VEZT: variants seen among roughly 807,000 people sequenced by gnomAD.
VEZT encodes vezatin.
VEZT carries 39 observed loss-of-function variants against 79.9 expected under a neutral mutation model. The observed-to-expected ratio is 0.49, with a 90% CI of 0.38 to 0.64. VEZT has a LOEUF of 0.64. VEZT is among the 30% of genes least tolerant of loss of function. The pLI is 0.00. For synonymous variants in VEZT, 325 were observed against 327.6 expected, an observed-to-expected ratio of 0.99 and a Z score of 0.09; for missense variants, 837 against 893.1, an observed-to-expected ratio of 0.94 and a Z score of 0.80.
At chr12:95,281,821 G>A (rs1442451529) in intron 7 of VEZT, among the ~76,000 whole-genome samples, 2 of 151,998 alleles carry the variant, frequency 1.3e-5, no homozygotes, top group East Asian at 1.9e-4. Flanking sequence ...GAGCCACTGC[G>A]CCTAGCCCTG....
At chr12:95,241,386 A>G (rs985072361) in intron 1 of VEZT, among the ~76,000 whole-genome samples, 5 of 152,014 alleles carry the variant, frequency 3.3e-5, no homozygotes, top group Admixed American at 6.6e-5. Flanking sequence ...GGCTTACTGC[A>G]GCCTTGACTC....
chr12:95,218,573 C>A (rs1565942664), intron 1 of VEZT: 2 of 152,112 alleles, frequency 1.3e-5, no homozygotes, highest in Non-Finnish European at 1.5e-5. Context: ...GTTTTTGATG[C>A]CATTTTTTTC....
At chr12:95,258,266 G>C (rs781198589) in intron 3 of VEZT, 117 of 455,732 alleles carry the variant, frequency 2.6e-4, no homozygotes, top group Non-Finnish European at 4.7e-4. Context: ...TCATTCTTCA[G>C]TGATACTAGG....
intron 1 of VEZT, among the ~76,000 whole-genome samples, chr12:95,246,705 G>C (rs1184434034): frequency 6.6e-6 from 1 of 152,190 alleles, no homozygotes; most frequent in Non-Finnish European, 1.5e-5. Context: ...GAACCACAAA[G>C]ATTTCCTGAG....
intron 8 of VEZT, among the ~76,000 whole-genome samples, chr12:95,283,061 C>G (rs2069600934): frequency 6.6e-6 from 1 of 152,112 alleles, no homozygotes; most frequent in African/African-American, 2.4e-5. Context: ...GGAAGAGTAA[C>G]ATATTGCTAT....
intron 7 of VEZT, among the ~76,000 whole-genome samples, chr12:95,281,360 T>C (rs779151564): frequency 6.6e-6 from 1 of 152,142 alleles, no homozygotes; most frequent in Non-Finnish European, 1.5e-5. Context: ...TGCCTGTGTT[T>C]CCCGCTACTC....
At chr12:95,285,717 CTTA>C (rs2070582563) in intron 8 of VEZT, among the ~76,000 whole-genome samples, 1 of 151,974 alleles carries the variant, frequency 6.6e-6, no homozygotes, top group African/African-American at 2.4e-5. Flanking sequence ...GGCCTAATTC[CTTA>C]TTATCTGTAA....
intron 9 of VEZT, chr12:95,293,649 C>T (rs1400818122): frequency 6.6e-6 from 1 of 152,348 alleles, no homozygotes; most frequent in East Asian, 1.9e-4. Context: ...TAAGACTGTT[C>T]CTATGCTGTG....
chr12:95,260,850 T>C (rs576983837), intron 3 of VEZT, among the ~76,000 whole-genome samples: 2 of 152,072 alleles, frequency 1.3e-5, no homozygotes, highest in South Asian at 2.1e-4. Context: ...ATAAAGTGAG[T>C]TGTGTTGCTC....
chr12:95,288,254 A>T (rs10777682), intron 9 of VEZT, among the ~76,000 whole-genome samples: 17,058 of 152,142 alleles, frequency 0.11, 1,058 homozygotes, highest in East Asian at 0.25. Context: ...AACTTTAGTC[A>T]TTCAAAAATA....
At chr12:95,256,507 AAT>A (rs1196246973) in intron 2 of VEZT, 2 of 1,065,498 alleles carry the variant, frequency 1.9e-6, no homozygotes, top group Non-Finnish European at 2.5e-6. Flanking sequence ...TCTTGAAAAC[AAT>A]AGTTACATGT....
chr12:95,287,979 CTT>C, intron 9 of VEZT, 122 bp downstream of exon 9: 1 of 823,672 alleles, frequency 1.2e-6, no homozygotes, highest in Non-Finnish European at 1.8e-6. Flanking sequence ...TCTTAGTTTA[CTT>C]TTTTTTAATG....
chr12:95,240,466 T>C (rs2060868098), intron 1 of VEZT, among the ~76,000 whole-genome samples: 1 of 152,218 alleles, frequency 6.6e-6, no homozygotes, highest in South Asian at 2.1e-4. Context: ...TTTTAAAATT[T>C]AAGGCTCTAC....
chr12:95,242,671 C>T (rs569714640), intron 1 of VEZT, among the ~76,000 whole-genome samples: 6 of 152,166 alleles, frequency 3.9e-5, no homozygotes, highest in East Asian at 1.9e-4. Flanking sequence ...GTCAGGAGTT[C>T]GAGACCAGAC....
intron 1 of VEZT, chr12:95,243,871 G>A (rs2061368786): frequency 4.6e-6 from 2 of 434,586 alleles, no homozygotes; most frequent in Admixed American, 2.7e-5. Context: ...ATAAAGTAAG[G>A]ACTTTCTTAG....
intron 4 of VEZT, among the ~76,000 whole-genome samples, chr12:95,265,214 G>A (rs1036175238): frequency 1.3e-5 from 2 of 151,886 alleles, no homozygotes; most frequent in Non-Finnish European, 2.9e-5. Context: ...CTTTAAAGAT[G>A]TATTTTAGTC....
intron 5 of VEZT, 172 bp from the exon 6 acceptor site, chr12:95,269,879 G>A (rs1343873547): frequency 3.1e-6 from 2 of 646,928 alleles, no homozygotes; most frequent in Non-Finnish European, 5.0e-6. Flanking sequence ...TCTAGTCACA[G>A]AAATGACTAT....
Position 95,221,828 on chromosome 12 carries a change from A to G in VEZT, c.36+3942A>G, listed in dbSNP as rs186101695. On this transcript the variant is annotated intron_variant, in intron 1 of 11. Coordinates refer to ENST00000436874, the MANE Select transcript of VEZT (RefSeq NM_017599.4). Reference sequence around the variant, plus strand: ...CCAGCCTGGGTGACAGAGTGAGACCATATCTCTAAATAAATAAATAAATAC... The same window carrying G: ...CCAGCCTGGGTGACAGAGTGAGACCGTATCTCTAAATAAATAAATAAATAC... 2.7e-3 allele frequency among the ~76,000 whole-genome samples: 404 copies of G among 151,434 alleles called. 3 individuals are homozygous for G. The highest frequency in any genetic ancestry group is 3.9e-3 in the Non-Finnish European group (267 of 67,964).
At chr12:95,239,428 G>C (rs2137225948) in intron 1 of VEZT, among the ~76,000 whole-genome samples, 1 of 152,316 alleles carries the variant, frequency 6.6e-6, no homozygotes, top group South Asian at 2.1e-4. Context: ...CTATCCAGAT[G>C]ATCTTTACCC....
Sources: gnomAD v4.1 joint callset for allele counts (sites outside exome capture counted in the v4.1 genomes callset) on GRCh38, gnomAD v4.1.1 for gene constraint, MANE v1.5 for transcripts, NCBI Gene and HGNC (gene_info 2026-07-23, HGNC 2026-07-21) for gene names.